Variants in ANK2 observed in about 807,000 individuals in gnomAD.
The protein encoded by ANK2 is ankyrin 2, also known as ankyrin-2.
Under a neutral mutation model 360.5 loss-of-function variants are expected in ANK2, and 83 were observed. The observed-to-expected ratio is 0.23, with a 90% CI of 0.19 to 0.28. ANK2 has a LOEUF of 0.28. ANK2 is among the 10% of genes least tolerant of loss of function. The pLI, the probability that ANK2 is intolerant of heterozygous loss-of-function variation, is 1.00. For missense variants in ANK2, 4,201 were observed against 4,795.7 expected (o/e 0.88, Z 3.66); for synonymous variants, 1,740 against 1,759.5 (o/e 0.99, Z 0.28).
At chr4:113,218,166 C>CAAA (rs1232675139) in intron 4 of ANK2, among the ~76,000 whole-genome samples, 1 of 152,100 alleles carries the variant, frequency 6.6e-6, no homozygotes, top group East Asian at 1.9e-4. Flanking sequence ...ATGCTCTAAC[C>CAAA]TTTACTGGTA....
chr4:113,137,334 A>T (rs1390198339), intron 1 of ANK2, among the ~76,000 whole-genome samples: 1 of 152,162 alleles, frequency 6.6e-6, no homozygotes, highest in African/African-American at 2.4e-5. Context: ...GGGATGGAAA[A>T]AAGTAGACTC....
chr4:112,915,566 T>C lies in ANK2; in HGVS notation c.21+11052T>C, dbSNP rs1398499582. 4.6e-5 allele frequency among the ~76,000 whole-genome samples: 7 copies of C among 151,850 alleles called. No homozygotes were observed. The South Asian group carries it at 1.2e-3, about 27-fold the overall frequency. ...AGGAGTTCAACACCAGCCTCAGCAA[T>C]GGGGTGAATCCCCGTCTCTACAAAA... On this transcript the variant is annotated intron_variant, in intron 2 of 30. Transcript: ENST00000503271.
chr4:112,943,522 G>A (rs1031394361), intron 2 of ANK2, among the ~76,000 whole-genome samples: 8 of 151,996 alleles, frequency 5.3e-5, no homozygotes, highest in Non-Finnish European at 1.0e-4. Context: ...AGCGGAGGAA[G>A]CCTTGACTGT....
chr4:113,176,136 T>C (rs1400416250), intron 2 of ANK2, among the ~76,000 whole-genome samples: 10 of 152,170 alleles, frequency 6.6e-5, no homozygotes, highest in Non-Finnish European at 1.2e-4. Context: ...GCATCCATCA[T>C]TGGTCCTTTG....
intron 2 of ANK2, among the ~76,000 whole-genome samples, chr4:113,184,882 C>T (rs555701926): frequency 2.4e-4 from 36 of 152,088 alleles, no homozygotes; most frequent in Admixed American, 2.0e-4. Flanking sequence ...CAACAGGCCC[C>T]GGTGTGTGAT....
At chr4:112,816,802 G>A (rs2149485565), upstream of ANK2, among the ~76,000 whole-genome samples, 1 of 152,346 alleles carries the variant, frequency 6.6e-6, no homozygotes, top group East Asian at 1.9e-4. Context: ...CCTGAAGTCA[G>A]CAGTTCGAGA....
intron 1 of ANK2, among the ~76,000 whole-genome samples, chr4:113,160,939 T>C (rs186758836): frequency 8.5e-4 from 130 of 152,264 alleles, no homozygotes; most frequent in African/African-American, 2.9e-3. Context: ...CTCTGGGAAA[T>C]AGACTCACAG....
chr4:113,262,308 C>A lies in ANK2; in HGVS notation c.1387-2589C>A, dbSNP rs1033954401. Among the ~76,000 whole-genome samples the A allele has an allele frequency of 5.9e-5, 9 of 152,246 alleles. No individual in the cohort carries two copies. In the South Asian group the frequency reaches 8.3e-4, roughly 14 times the overall value. ...TGGGCAAGATTATGGCTCACTGCAG[C>A]CTCAACCTCCTAGGCACAGGCTATC... On this transcript the variant is annotated intron_variant, in intron 13 of 45. Transcript: ENST00000357077.
intron 4 of ANK2, among the ~76,000 whole-genome samples, chr4:113,228,344 C>G (rs572046666): frequency 6.6e-6 from 1 of 152,288 alleles, no homozygotes; most frequent in Admixed American, 6.5e-5. Flanking sequence ...CCCTCCCACC[C>G]TTTTCCCCCA....
In ANK2 at chr4:113,354,943, G is replaced by A. The variant is rs751026615; in HGVS notation, c.6325G>A (p.Glu2109Lys). 2.4e-5 allele frequency: 38 copies of A among 1,613,974 alleles called. No homozygotes were observed. The highest frequency in any genetic ancestry group is 2.3e-4 in the Admixed American group (14 of 59,988). ...TGAAGAAGAAAGCCACAGAGAGAGC[G>A]AAGTGCCCAAAGAAAAGATGGCTGA... ...VPEEESHRES[E>K]VPKEKMADEQ... The change falls in exon 38 of 46, where the codon GAA (glutamate) becomes AAA (lysine). Residue 2109 changes from glutamate (E) to lysine (K), a missense_variant. By Grantham distance (56) the Glu-to-Lys change is moderately conservative. This residue lies in a region of ANK2 where 2,642 missense variants were observed against 2,714.5 expected (regional missense o/e 0.97). Transcript: ENST00000357077.
the ANK2 span, chr4:112,739,129 G>A: frequency 4.7e-6 from 2 of 426,908 alleles, no homozygotes; most frequent in Non-Finnish European, 4.4e-6. Flanking sequence ...CACGTTTTGT[G>A]TTTAAATAAA....
At chr4:113,096,345 C>A (rs556517217) in intron 1 of ANK2, among the ~76,000 whole-genome samples, 39 of 152,244 alleles carry the variant, frequency 2.6e-4, no homozygotes, top group Admixed American at 7.9e-4. Context: ...GATAGTAGTT[C>A]ATTTCTCTCC....
chr4:112,996,158 A>G (rs79269897), intron 2 of ANK2, among the ~76,000 whole-genome samples: 2,479 of 152,324 alleles, frequency 0.016, 29 homozygotes, highest in Middle Eastern at 0.027. Flanking sequence ...ATAATGATCT[A>G]GGTGAAGAAG....
chr4:113,367,481 T>C (rs992016927), intron 41 of ANK2, 85 bp from the exon 42 acceptor site: 1 of 1,295,664 alleles, frequency 7.7e-7, no homozygotes, highest in Non-Finnish European at 1.1e-6. Context: ...TCTTATTTTT[T>C]TTATCCTCTT....
At chr4:112,830,109 TAAAAG>T (rs2059396889) in intron 1 of ANK2, among the ~76,000 whole-genome samples, 1 of 152,136 alleles carries the variant, frequency 6.6e-6, no homozygotes, top group Non-Finnish European at 1.5e-5. Flanking sequence ...TCAAAGAACT[TAAAAG>T]AGAGCTACCC....
the ANK2 span, among the ~76,000 whole-genome samples, chr4:112,810,632 A>C: frequency 3.3e-5 from 5 of 151,898 alleles, no homozygotes; most frequent in Non-Finnish European, 7.4e-5. Context: ...GCTCACCGCA[A>C]CCTCTGCCTC....
At chr4:112,818,803 CT>C (rs1223014474) in intron 1 of ANK2, among the ~76,000 whole-genome samples, 4 of 152,184 alleles carry the variant, frequency 2.6e-5, no homozygotes, top group South Asian at 2.1e-4. Context: ...AGTATGTTGC[CT>C]TTTTTTATGG....
At chr4:112,822,889 C>T (rs374977136) in intron 1 of ANK2, among the ~76,000 whole-genome samples, 140 of 151,770 alleles carry the variant, frequency 9.2e-4, no homozygotes, top group African/African-American at 3.3e-3. Flanking sequence ...AAAACTTGTT[C>T]ATTGATAGAA....
intron 4 of ANK2, among the ~76,000 whole-genome samples, chr4:113,228,020 G>A (rs944457843): frequency 5.9e-5 from 9 of 152,034 alleles, no homozygotes; most frequent in East Asian, 1.9e-4. Context: ...ATCATTCTTC[G>A]CATTTGCTCC....
Sources: gnomAD v4.1 joint callset for allele counts (sites outside exome capture counted in the v4.1 genomes callset) on GRCh38, gnomAD v4.1.1 for gene constraint, gnomAD v4.1.1 regional missense constraint, MANE v1.5 for transcripts, NCBI Gene and HGNC (gene_info 2026-07-23, HGNC 2026-07-21) for gene names.